Variants in NRCAM observed in about 807,000 individuals in gnomAD.
NRCAM encodes NgCAM-related cell adhesion molecule.
In NRCAM, 83 loss-of-function variants were observed where a neutral mutation model predicts 156.5. The ratio of observed to expected loss-of-function variants is 0.53; its 90% CI spans 0.44 to 0.64. The LOEUF is 0.64. Among genes scored for constraint, NRCAM ranks in the 30% least tolerant of loss-of-function variants. The pLI, the probability that NRCAM is intolerant of heterozygous loss-of-function variation, is 0.00. For missense variants in NRCAM, 1,417 were observed against 1,597.3 expected, an observed-to-expected ratio of 0.89 and a Z score of 1.92; for synonymous variants, 538 against 563.9, an observed-to-expected ratio of 0.95 and a Z score of 0.65.
chr7:108,165,294 C>T (rs2053255551), intron 30 of NRCAM, among the ~76,000 whole-genome samples: 1 of 152,148 alleles, frequency 6.6e-6, no homozygotes, highest in Non-Finnish European at 1.5e-5. Flanking sequence ...CTAATCCCAG[C>T]TCTGTCACGT....
chr7:108,387,576 T>C (rs1051771342), intron 2 of NRCAM, among the ~76,000 whole-genome samples: 3 of 152,176 alleles, frequency 2.0e-5, no homozygotes, highest in African/African-American at 4.8e-5. Flanking sequence ...TTACTTTTTA[T>C]TATTATACTT....
chr7:108,327,719 T>G (rs1159558749), intron 2 of NRCAM, among the ~76,000 whole-genome samples: 1 of 152,168 alleles, frequency 6.6e-6, no homozygotes, highest in Non-Finnish European at 1.5e-5. Context: ...GTGTCCTTCA[T>G]CCAGCTTCTC....
intron 1 of NRCAM, among the ~76,000 whole-genome samples, chr7:108,448,783 A>T (rs1847248416): frequency 6.6e-6 from 1 of 152,190 alleles, no homozygotes; most frequent in Admixed American, 6.5e-5. Context: ...TCCCACCGGG[A>T]GCAGAAAGCC....
intron 1 of NRCAM, among the ~76,000 whole-genome samples, chr7:108,402,365 G>C (rs975443044): frequency 6.6e-6 from 1 of 152,070 alleles, no homozygotes; most frequent in African/African-American, 2.4e-5. Flanking sequence ...TATTTTAAGA[G>C]GCTAATGCAA....
chr7:108,425,042 A>G (rs1597504544), intron 1 of NRCAM, among the ~76,000 whole-genome samples: 1 of 152,150 alleles, frequency 6.6e-6, no homozygotes, highest in Admixed American at 6.5e-5. Context: ...GCCTTAGGAC[A>G]TTAGAGTTCA....
chr7:108,221,651 G>A (rs1462639099), intron 11 of NRCAM, among the ~76,000 whole-genome samples: 2 of 152,114 alleles, frequency 1.3e-5, no homozygotes, highest in East Asian at 1.9e-4. Context: ...GCTAAGCTAC[G>A]AGGACACAAA....
Position 108,318,039 on chromosome 7 carries a change from C to CTTTTT in NRCAM, c.-173-5313_-173-5309dup, listed in dbSNP as rs779703662. On this transcript the variant is annotated intron_variant, in intron 2 of 32. Transcript: ENST00000379028. ...GGAGGGACCTGGAAATTCACTTTTC[C>CTTTTT]TTTTTTTTTTTTTTTTTTTTTTTTG... Among the ~76,000 whole-genome samples the CTTTTT allele has an allele frequency of 3.4e-3, 248 of 72,834 alleles. 12 individuals are homozygous for CTTTTT. The highest frequency in any genetic ancestry group is 5.9e-3 in the African/African-American group (101 of 17,252). 47.8% of individuals were successfully genotyped at this position (72,834 alleles called of 152,430 possible). A position where few individuals can be genotyped will look rare whatever the true frequency, so the allele number is the denominator to read the frequency against.
At chr7:108,173,848 T>C (rs1237307775) in intron 28 of NRCAM, among the ~76,000 whole-genome samples, 4 of 152,174 alleles carry the variant, frequency 2.6e-5, no homozygotes, top group African/African-American at 9.7e-5. Context: ...GAATTTAGTT[T>C]TAATTTATTA....
intron 2 of NRCAM, among the ~76,000 whole-genome samples, chr7:108,358,460 G>A (rs953435265): frequency 5.7e-5 from 7 of 123,158 alleles, no homozygotes; most frequent in Non-Finnish European, 1.0e-4. Flanking sequence ...GTATTCCTAC[G>A]TATTTTTTTT....
chr7:108,339,873 C>A (rs890978294), intron 2 of NRCAM, among the ~76,000 whole-genome samples: 3 of 152,142 alleles, frequency 2.0e-5, no homozygotes, highest in South Asian at 2.1e-4. Flanking sequence ...CAATTTGACC[C>A]TCAGACTCTA....
chr7:108,390,469 CTTT>C (rs1232181264), intron 2 of NRCAM, among the ~76,000 whole-genome samples: 1 of 151,936 alleles, frequency 6.6e-6, no homozygotes, highest in East Asian at 1.9e-4. Flanking sequence ...CTCTTTTCTT[CTTT>C]ATTAGTCTTG....
chr7:108,155,114 A>ATG (rs1321675242), intron 32 of NRCAM, among the ~76,000 whole-genome samples: 1 of 140,712 alleles, frequency 7.1e-6, no homozygotes, highest in Admixed American at 6.9e-5. Context: ...ACACACACAC[A>ATG]CACACACACA....
intron 3 of NRCAM, among the ~76,000 whole-genome samples, chr7:108,256,078 G>T (rs2096644669): frequency 6.6e-6 from 1 of 151,844 alleles, no homozygotes; most frequent in African/African-American, 2.4e-5. Flanking sequence ...GCCCCTTCTG[G>T]GAAGTGAGGA....
In NRCAM at chr7:108,399,480, G is replaced by C. The variant is rs1270852746; in HGVS notation, c.-218C>G. On this transcript the variant is annotated 5_prime_UTR_variant, in exon 2 of 33. It adds an upstream start codon to the 5' untranslated region. Transcript: ENST00000379028. The stretch of plus-strand genomic sequence containing the variant: ...CTAGACACCTCCCAAATGTTTTTCT[G>C]ATTTCTGAAGCTATCCTTTTCTCAG... 6.6e-6 allele frequency: 1 copy of C among 152,142 alleles called. No individual in the cohort carries two copies. Among genetic ancestry groups the C allele is most frequent in the Non-Finnish European group, 1.5e-5 (1 of 68,030 alleles). The allele number at this position is 152,142 out of a possible 1,614,324, so 9.4% of individuals were successfully genotyped here.
At chr7:108,217,940 C>T (rs1484675244) in intron 11 of NRCAM, among the ~76,000 whole-genome samples, 1 of 152,120 alleles carries the variant, frequency 6.6e-6, no homozygotes, top group East Asian at 1.9e-4. Context: ...TTCTGTCTCA[C>T]TGGCGTTCCA....
At chr7:108,262,195 A>T (rs1213310733) in intron 3 of NRCAM, among the ~76,000 whole-genome samples, 2 of 152,014 alleles carry the variant, frequency 1.3e-5, no homozygotes, top group East Asian at 3.9e-4. Context: ...AGTGGTTGGC[A>T]GTCTTAGATT....
At chr7:108,187,716 C>T (rs2067895448) in intron 20 of NRCAM, among the ~76,000 whole-genome samples, 1 of 152,000 alleles carries the variant, frequency 6.6e-6, no homozygotes, top group African/African-American at 2.4e-5. Context: ...CTTTGGGAGG[C>T]CGAGGCGGGT....
intron 2 of NRCAM, among the ~76,000 whole-genome samples, chr7:108,378,052 A>AT (rs2099683755): frequency 6.6e-6 from 1 of 152,220 alleles, no homozygotes; most frequent in Non-Finnish European, 1.5e-5. Context: ...ATTCATACAG[A>AT]TAAAGTCCCA....
chr7:108,198,079 T>C lies in NRCAM; in HGVS notation c.1228A>G (p.Arg410Gly), dbSNP rs1226572800. Reference protein sequence around the residue: ...PIEIAPDDPSRKIDGDTIIFS... With the variant: ...PIEIAPDDPSGKIDGDTIIFS... ...ATAATGGTATCGCCATCTATTTTTC[T>C]GCTGGGGTCATCAGGGGCAACTGTT... Residue 410 changes from arginine (R) to glycine (G), a missense_variant, in exon 14 of 33, where the codon AGA (arginine) becomes GGA (glycine). Transcript: ENST00000379028. The C allele has an allele frequency of 6.2e-7, 1 of 1,607,260 alleles. No individual in the cohort carries two copies. Among genetic ancestry groups the C allele is most frequent in the Non-Finnish European group, 8.5e-7 (1 of 1,177,554 alleles).
Sources: allele counts gnomAD v4.1 joint callset (sites outside exome capture counted in the v4.1 genomes callset), GRCh38; gene constraint gnomAD v4.1.1; transcripts MANE v1.5; gene names NCBI Gene and HGNC (gene_info 2026-07-23, HGNC 2026-07-21).